IL1RAPL1: variants seen among roughly 807,000 people sequenced by gnomAD.
IL1RAPL1 encodes interleukin 1 receptor accessory protein like 1, also known as interleukin-1 receptor accessory protein-like 1.
A neutral mutation model predicts 48.4 loss-of-function variants in IL1RAPL1; 3 were observed. The observed-to-expected ratio is 0.06, with a 90% CI of 0.03 to 0.16. The LOEUF (loss-of-function observed/expected upper bound fraction) is 0.16, where lower values mean the gene tolerates loss of function less well. IL1RAPL1 is among the 10% of genes least tolerant of loss of function. The pLI is 1.00. For synonymous variants in IL1RAPL1, 185 were observed against 187.7 expected (o/e 0.99, Z 0.12); for missense variants, 349 against 530.6 (o/e 0.66, Z 3.36).
intron 3 of IL1RAPL1, among the ~76,000 whole-genome samples, chrX:29,295,680 A>C (rs1283821072): frequency 1.8e-5 from 2 of 111,325 alleles, no homozygotes; most frequent in African/African-American, 6.5e-5. Context: ...TGGCTGCCTA[A>C]TTGTCTAGGC....
At chrX:29,408,978 T>C (rs1934108244) in intron 5 of IL1RAPL1, among the ~76,000 whole-genome samples, 1 of 112,425 alleles carries the variant, frequency 8.9e-6, no homozygotes, top group African/African-American at 3.2e-5. Flanking sequence ...AGACCTCTAA[T>C]TCTTCTGCCA....
chrX:29,200,130 A>G (rs1930525472), intron 2 of IL1RAPL1, among the ~76,000 whole-genome samples: 1 of 87,126 alleles, frequency 1.1e-5, no homozygotes, highest in Non-Finnish European at 2.3e-5. Context: ...CATAGGCCTG[A>G]AAGCAAATGC....
intron 2 of IL1RAPL1, among the ~76,000 whole-genome samples, chrX:29,159,525 AT>A (rs1366458683): frequency 8.9e-6 from 1 of 111,978 alleles, no homozygotes; most frequent in East Asian, 2.8e-4. Flanking sequence ...ATAATTTAAT[AT>A]GCCGAGGGTC....
intron 1 of IL1RAPL1, among the ~76,000 whole-genome samples, chrX:28,636,082 A>G (rs772845059): frequency 2.1e-4 from 24 of 111,706 alleles, no homozygotes; most frequent in African/African-American, 7.8e-4. Flanking sequence ...CAGCATAGCC[A>G]TTCTTACCCA....
chrX:29,557,950 C>G (rs1285634464), intron 5 of IL1RAPL1, among the ~76,000 whole-genome samples: 1 of 110,973 alleles, frequency 9.0e-6, no homozygotes, highest in African/African-American at 3.3e-5. Context: ...AATGACACTT[C>G]TATTGTTTAT....
At chrX:29,946,248 C>T (rs1428464572) in intron 9 of IL1RAPL1, among the ~76,000 whole-genome samples, 1 of 112,128 alleles carries the variant, frequency 8.9e-6, no homozygotes, top group Non-Finnish European at 1.9e-5. Context: ...TTTTAAAATG[C>T]CTCCATTTTG....
chrX:29,156,844 G>C (rs1352602940), intron 2 of IL1RAPL1, among the ~76,000 whole-genome samples: 1 of 48,440 alleles, frequency 2.1e-5, no homozygotes, highest in African/African-American at 8.2e-5. Context: ...GTCTTCAGGG[G>C]ATCAGAACTA....
At chrX:29,803,600 T>C (rs1351592900) in intron 6 of IL1RAPL1, among the ~76,000 whole-genome samples, 2 of 103,334 alleles carry the variant, frequency 1.9e-5, no homozygotes, top group African/African-American at 7.0e-5. Context: ...TATGTGTGTG[T>C]ATATATACAC....
At chrX:29,755,103 A>C (rs1266743677) in intron 6 of IL1RAPL1, among the ~76,000 whole-genome samples, 1 of 112,562 alleles carries the variant, frequency 8.9e-6, no homozygotes, top group African/African-American at 3.2e-5. Flanking sequence ...CCTTACTACA[A>C]GGGCTTCTCT....
intron 9 of IL1RAPL1, among the ~76,000 whole-genome samples, chrX:29,950,125 A>G (rs1226188812): frequency 8.9e-6 from 1 of 112,189 alleles, no homozygotes; most frequent in Non-Finnish European, 1.9e-5. Context: ...ACTTGGAAAC[A>G]ACTCCATTAT....
chrX:29,423,565 A>G (rs888430855), intron 5 of IL1RAPL1, among the ~76,000 whole-genome samples: 2 of 112,367 alleles, frequency 1.8e-5, no homozygotes, highest in African/African-American at 3.2e-5. Context: ...GATTCAAACC[A>G]TGGTAAAATT....
chrX:29,822,706 C>A (rs1930649316), intron 6 of IL1RAPL1, among the ~76,000 whole-genome samples: 1 of 111,460 alleles, frequency 9.0e-6, no homozygotes, highest in Admixed American at 9.6e-5. Context: ...GGGTTTTATT[C>A]AACGTGGCAG....
intron 2 of IL1RAPL1, among the ~76,000 whole-genome samples, chrX:29,246,987 T>C (rs913362360): frequency 2.2e-4 from 25 of 111,771 alleles, no homozygotes; most frequent in African/African-American, 8.1e-4. Flanking sequence ...CACAGGAAAA[T>C]ACTCCTATCC....
intron 5 of IL1RAPL1, among the ~76,000 whole-genome samples, chrX:29,511,063 A>G (rs1335292894): frequency 9.0e-6 from 1 of 111,495 alleles, no homozygotes; most frequent in East Asian, 2.8e-4. Flanking sequence ...ACCTCTAGTA[A>G]AGGAGAACTC....
intron 6 of IL1RAPL1, among the ~76,000 whole-genome samples, chrX:29,672,154 A>G (rs1312346955): frequency 1.8e-5 from 2 of 111,812 alleles, no homozygotes; most frequent in African/African-American, 3.2e-5. Context: ...TTGTTATTAT[A>G]AATAATGTGA....
intron 5 of IL1RAPL1, among the ~76,000 whole-genome samples, chrX:29,578,771 G>A (rs1257322054): frequency 8.9e-6 from 1 of 111,960 alleles, no homozygotes; most frequent in Non-Finnish European, 1.9e-5. Flanking sequence ...GATGGGAAGT[G>A]ATATGCTAAC....
At chrX:28,639,653 A>G (rs1223916426) in intron 1 of IL1RAPL1, among the ~76,000 whole-genome samples, 1 of 111,532 alleles carries the variant, frequency 9.0e-6, no homozygotes, top group Non-Finnish European at 1.9e-5. Context: ...CACAGGAAAT[A>G]CCAGTGAAGG....
At chrX:28,649,519 A>G (rs191798168) in intron 1 of IL1RAPL1, among the ~76,000 whole-genome samples, 1 of 112,720 alleles carries the variant, frequency 8.9e-6, no homozygotes, top group Non-Finnish European at 1.9e-5. Context: ...TAATCTGCCA[A>G]TGTGCATTGT....
intron 2 of IL1RAPL1, among the ~76,000 whole-genome samples, chrX:28,887,784 CAT>C: frequency 9.0e-6 from 1 of 110,784 alleles, no homozygotes; most frequent in African/African-American, 3.3e-5. Context: ...TTATCAGTGA[CAT>C]AATATTTCAC....
Sources: allele counts gnomAD v4.1 joint callset (sites outside exome capture counted in the v4.1 genomes callset), GRCh38; gene constraint gnomAD v4.1.1; transcripts MANE v1.5; gene names NCBI Gene and HGNC (gene_info 2026-07-23, HGNC 2026-07-21).